Variants in FARP1 observed in about 807,000 individuals in gnomAD.
FARP1 encodes FERM, ARH/RhoGEF and pleckstrin domain protein 1.
In FARP1, 52 loss-of-function variants were observed where a neutral mutation model predicts 128.8. That is an observed-to-expected ratio of 0.40 (90% confidence interval 0.32 to 0.51). The LOEUF (loss-of-function observed/expected upper bound fraction) is 0.51. FARP1 is among the 20% of genes least tolerant of loss of function. FARP1 has a pLI of 0.45. For synonymous variants in FARP1, 580 were observed against 551.8 expected, an observed-to-expected ratio of 1.05 and a Z score of -0.72; for missense variants, 1,333 against 1,367.9, an observed-to-expected ratio of 0.97 and a Z score of 0.40.
rs991104497 is a variant in FARP1 at position 98,283,555 on chromosome 13, G to GT, written c.172-60200dup. Among the ~76,000 whole-genome samples, 11 of 152,190 alleles carry GT rather than the reference G, an allele frequency of 7.2e-5. No homozygotes were observed. In the South Asian group the frequency reaches 8.3e-4, roughly 11 times the overall value. ...GTTCTAAGAAGCTGGTTTTGTTTCT[G>GT]TTTTTTTCATCTGAGAAAAATCTTT... On this transcript the variant is annotated intron_variant, in intron 2 of 26. Transcript: ENST00000319562.
At chr13:98,404,016 CCATCACCACCACCACTGCTACTACCAA>C (rs1215381487) in intron 13 of FARP1, 4 of 152,806 alleles carry the variant, frequency 2.6e-5, no homozygotes, top group African/African-American at 4.9e-5. Context: ...ACCACCACCA[CCATCACCACCACCACTGCTACTACCAA>C]CATCACCACC....
chr13:98,246,021 C>A (rs940239152), intron 2 of FARP1, among the ~76,000 whole-genome samples: 3 of 151,268 alleles, frequency 2.0e-5, no homozygotes, highest in Non-Finnish European at 4.4e-5. Context: ...AGGCAATCTG[C>A]CCCCCTCAGC....
rs528258569 is a variant in FARP1, at chr13:98,286,390, C to A, written c.172-57372C>A. On this transcript the variant is annotated intron_variant, in intron 2 of 26. Coordinates refer to ENST00000319562, the MANE Select transcript of FARP1 (RefSeq NM_005766.4). Reference sequence around the variant, plus strand: ...TGAATTATAGCTCCCATAGTTCCCACGTGTTGTGCAAGGGACCCCATGGGA... The same window carrying A: ...TGAATTATAGCTCCCATAGTTCCCAAGTGTTGTGCAAGGGACCCCATGGGA... 1.8e-3 allele frequency among the ~76,000 whole-genome samples: 277 copies of A among 152,260 alleles called. No individual in the cohort carries two copies. The Middle Eastern group carries it at 0.021, about 11-fold the overall frequency.
chr13:98,296,794 C>T (rs1209057677), intron 2 of FARP1, among the ~76,000 whole-genome samples: 2 of 149,276 alleles, frequency 1.3e-5, no homozygotes, highest in Non-Finnish European at 3.0e-5. Flanking sequence ...AGGTGATCCT[C>T]TCACCTCTGC....
chr13:98,379,194 A>G (rs866408841), intron 6 of FARP1, among the ~76,000 whole-genome samples: 1 of 76,850 alleles, frequency 1.3e-5, no homozygotes, highest in African/African-American at 7.1e-5. Flanking sequence ...TATATAATAT[A>G]TAATATATAT....
At chr13:98,186,183 C>T (rs191434119) in intron 1 of FARP1, among the ~76,000 whole-genome samples, 44 of 151,820 alleles carry the variant, frequency 2.9e-4, no homozygotes, top group African/African-American at 9.7e-4. Flanking sequence ...CTTGGCTCAC[C>T]GCAACCTCTG....
At chr13:98,237,837 A>G (rs1275399984) in intron 2 of FARP1, among the ~76,000 whole-genome samples, 1 of 151,994 alleles carries the variant, frequency 6.6e-6, no homozygotes, top group Non-Finnish European at 1.5e-5. Context: ...TTTTTTTTTA[A>G]AGAAAGAAAG....
At chr13:98,222,305 AAAAAC>A (rs1463092522) in intron 2 of FARP1, among the ~76,000 whole-genome samples, 1 of 152,228 alleles carries the variant, frequency 6.6e-6, no homozygotes, top group Non-Finnish European at 1.5e-5. Flanking sequence ...GAAAATGAAT[AAAAAC>A]AATAACTACC....
intron 2 of FARP1, among the ~76,000 whole-genome samples, chr13:98,253,630 G>A (rs1328084134): frequency 6.6e-6 from 1 of 152,208 alleles, no homozygotes. Context: ...TACAAAGTAG[G>A]AAGTGTAGAC....
intron 5 of FARP1, 109 bp downstream of exon 5, chr13:98,368,304 G>A (rs1889185828): frequency 1.2e-6 from 1 of 828,926 alleles, no homozygotes; most frequent in Non-Finnish European, 2.0e-6. Context: ...TACTTGACCA[G>A]CATCTGTTCT....
chr13:98,439,587 C>A (rs1296579836), intron 21 of FARP1, among the ~76,000 whole-genome samples: 1 of 152,220 alleles, frequency 6.6e-6, no homozygotes, highest in African/African-American at 2.4e-5. Flanking sequence ...CGCCCGCTCC[C>A]TGGAGCTGGG....
chr13:98,393,953 C>T (rs1293057977), intron 12 of FARP1, among the ~76,000 whole-genome samples: 4 of 152,208 alleles, frequency 2.6e-5, no homozygotes, highest in African/African-American at 9.6e-5. Flanking sequence ...TCTCATCTCC[C>T]ATGCGGTGCT....
intron 2 of FARP1, among the ~76,000 whole-genome samples, chr13:98,327,004 C>T (rs529183202): frequency 2.0e-5 from 3 of 152,290 alleles, no homozygotes; most frequent in African/African-American, 4.8e-5. Flanking sequence ...AATGAGTACA[C>T]GCAATTGGTA....
chr13:98,385,582 C>A, intron 7 of FARP1, 85 bp from the exon 8 acceptor site: 1 of 1,469,888 alleles, frequency 6.8e-7, no homozygotes, highest in Non-Finnish European at 9.5e-7. Flanking sequence ...CTTTGTATTT[C>A]CCAGGAGAAG....
At chr13:98,408,930 A>G (rs1260090023) in intron 13 of FARP1, among the ~76,000 whole-genome samples, 1 of 152,220 alleles carries the variant, frequency 6.6e-6, no homozygotes, top group Non-Finnish European at 1.5e-5. Context: ...GCAGTTGCTT[A>G]GATGCCTGTT....
chr13:98,316,077 A>C (rs140664633), intron 2 of FARP1, among the ~76,000 whole-genome samples: 77 of 152,208 alleles, frequency 5.1e-4, no homozygotes, highest in African/African-American at 1.8e-3. Flanking sequence ...GGAGTATGTC[A>C]ACCCTCATGG....
At chr13:98,388,998 G>A (rs1168131500) in intron 9 of FARP1, among the ~76,000 whole-genome samples, 1 of 152,258 alleles carries the variant, frequency 6.6e-6, no homozygotes, top group Non-Finnish European at 1.5e-5. Context: ...GGGAGGAGAA[G>A]CCTCTTCTTT....
At chr13:98,315,649 G>A (rs546358720) in intron 2 of FARP1, among the ~76,000 whole-genome samples, 68 of 152,212 alleles carry the variant, frequency 4.5e-4, no homozygotes, top group African/African-American at 1.3e-3. Flanking sequence ...GGAGACGGCC[G>A]TGCTTAGGAG....
intron 6 of FARP1, among the ~76,000 whole-genome samples, chr13:98,382,882 G>A (rs930157356): frequency 6.6e-6 from 1 of 152,134 alleles, no homozygotes; most frequent in South Asian, 2.1e-4. Flanking sequence ...TTGTGTCCCC[G>A]CGTGCAGTGC....
Sources: gnomAD v4.1 joint callset for allele counts (sites outside exome capture counted in the v4.1 genomes callset) on GRCh38, gnomAD v4.1.1 for gene constraint, MANE v1.5 for transcripts, NCBI Gene and HGNC (gene_info 2026-07-23, HGNC 2026-07-21) for gene names.